Variants in MMEL1 observed in about 807,000 individuals in gnomAD.
The protein encoded by MMEL1 is membrane metalloendopeptidase like 1, also known as membrane metallo-endopeptidase-like 1.
MMEL1 carries 98 observed loss-of-function variants against 117.1 expected under a neutral mutation model. That is an observed-to-expected ratio of 0.84 (90% confidence interval 0.71 to 0.99). The LOEUF is 0.99. Among genes scored for constraint, MMEL1 ranks in the 50% least tolerant of loss-of-function variants. MMEL1 has a pLI of 0.00. For missense variants in MMEL1, 1,014 were observed against 1,049.1 expected (o/e 0.97, Z 0.46); for synonymous variants, 390 against 415.1 (o/e 0.94, Z 0.74).
Position 2,598,305 on chromosome 1 carries a change from G to A in MMEL1, c.1179-5C>T, listed in dbSNP as rs2100933280. 1 of 1,613,882 alleles carries A rather than the reference G, an allele frequency of 6.2e-7. No homozygotes were observed. Among genetic ancestry groups the A allele is most frequent in the Non-Finnish European group, 8.5e-7 (1 of 1,179,888 alleles). ...ACCAGGTAGTTCTGTATGGTCCTGG[G>A]GGCAGAAGGTAGAGGGTGAGGGGAG... On this transcript the variant is annotated splice_polypyrimidine_tract_variant and splice_region_variant and intron_variant, in intron 12 of 23. Coordinates refer to ENST00000378412, the MANE Select transcript of MMEL1 (RefSeq NM_033467.4).
At chr1:2,616,417 C>T (rs1002043079) in intron 2 of MMEL1, among the ~76,000 whole-genome samples, 3 of 150,530 alleles carry the variant, frequency 2.0e-5, no homozygotes, top group African/African-American at 7.3e-5. Context: ...TGACGGTGAC[C>T]TCTCACCAGA....
rs1181547966 is a variant in MMEL1 at position 2,629,494 on chromosome 1, T to G, written c.-10A>C. 1.3e-5 allele frequency: 19 copies of G among 1,488,634 alleles called. No homozygotes were observed. The highest frequency in any genetic ancestry group is 1.6e-5 in the Non-Finnish European group (18 of 1,117,854). 92.2% of individuals were successfully genotyped at this position (1,488,634 alleles called of 1,614,324 possible). A position where few individuals can be genotyped will look rare whatever the true frequency, so the allele number is the denominator to read the frequency against. ...CTTCGGACTTCCCCATCAGCAGGGCTCTGGACGGGAGAGCACCGCGGAGGA... is the reference window on the plus strand; with the variant it reads ...CTTCGGACTTCCCCATCAGCAGGGCGCTGGACGGGAGAGCACCGCGGAGGA... On this transcript the variant is annotated 5_prime_UTR_variant, in exon 2 of 24. Coordinates refer to ENST00000378412, the MANE Select transcript of MMEL1 (RefSeq NM_033467.4).
chr1:2,603,835 A>G (rs1644973264), intron 11 of MMEL1, 49 bp downstream of exon 11: 1 of 1,560,364 alleles, frequency 6.4e-7, no homozygotes, highest in East Asian at 2.2e-5. Context: ...CATGTCCCCC[A>G]CGAGTCTCCA....
chr1:2,598,881 A>G (rs1644888711), intron 11 of MMEL1, 91 bp from the exon 12 acceptor site: 1 of 1,117,498 alleles, frequency 8.9e-7, no homozygotes, highest in Admixed American at 2.5e-5. Context: ...CTGTTGAAGA[A>G]TGTTCAAGGA....
chr1:2,615,358 T>C (rs889207944), intron 2 of MMEL1, among the ~76,000 whole-genome samples: 60 of 152,220 alleles, frequency 3.9e-4, no homozygotes, highest in African/African-American at 1.4e-3. Flanking sequence ...CTTCAACACA[T>C]GTTACCCCAG....
chr1:2,613,673 A>C (rs1354301567), intron 2 of MMEL1, among the ~76,000 whole-genome samples: 1 of 152,038 alleles, frequency 6.6e-6, no homozygotes, highest in Non-Finnish European at 1.5e-5. Flanking sequence ...GAGTCAAAGC[A>C]TGAGGAGGGG....
rs1175464478 is a variant in MMEL1, at chr1:2,606,213, C to T, written c.750+35G>A. The T allele has an allele frequency of 3.2e-6, 5 of 1,557,094 alleles. No homozygotes were observed. The Admixed American group carries it at 6.7e-5, about 21-fold the overall frequency. ...AAGAGCCCCCAGCCAGGCTTGGGGA[C>T]CCTGCCTACCCCTGCCCACCGGCGC... is the stretch of plus-strand genomic sequence containing the variant. On this transcript the variant is annotated intron_variant, in intron 8 of 23. Coordinates refer to ENST00000378412, the MANE Select transcript of MMEL1 (RefSeq NM_033467.4).
At chr1:2,603,581 A>T (rs938680916) in intron 11 of MMEL1, among the ~76,000 whole-genome samples, 3 of 152,134 alleles carry the variant, frequency 2.0e-5, no homozygotes, top group African/African-American at 2.4e-5. Flanking sequence ...ACCCCCACAC[A>T]TCAGCAGCCC....
At chr1:2,623,347 C>T (rs189955251) in intron 2 of MMEL1, among the ~76,000 whole-genome samples, 2 of 151,908 alleles carry the variant, frequency 1.3e-5, no homozygotes, top group African/African-American at 2.4e-5. Context: ...TGCTTTTTGC[C>T]GAGGACATCA....
chr1:2,591,177 A>G, intron 23 of MMEL1, 88 bp from the exon 24 acceptor site: 2 of 884,782 alleles, frequency 2.3e-6, no homozygotes, highest in South Asian at 1.8e-5. Flanking sequence ...AAACCAGCCC[A>G]AAACATCAGC....
chr1:2,609,694 C>G lies in MMEL1; in HGVS notation c.430G>C (p.Asp144His). 6.2e-7 allele frequency: 1 copy of G among 1,612,240 alleles called. No individual in the cohort carries two copies. The highest frequency in any genetic ancestry group is 8.5e-7 in the Non-Finnish European group (1 of 1,179,232). Residue 144 changes from aspartate (D) to histidine (H), a missense_variant, in exon 5 of 24, where the codon GAC becomes CAC. By Grantham distance (81) the Asp-to-His change is moderately conservative. Coordinates refer to ENST00000378412, the MANE Select transcript of MMEL1 (RefSeq NM_033467.4). ...SRYSIFDVLR[D>H]ELEVILKAVL... ...CCTTTGAGGATGACCTCCAGCTCGT[C>G]GCGGAGGACGTCAAAGATGCTGTAT...
intron 11 of MMEL1, among the ~76,000 whole-genome samples, chr1:2,600,983 T>C (rs1644922811): frequency 6.7e-6 from 1 of 149,574 alleles, no homozygotes; most frequent in Non-Finnish European, 1.5e-5. Context: ...TATATCATGT[T>C]CATGGATTGG....
Position 2,590,802 on chromosome 1 carries a change from C to T in MMEL1, c.*188G>A. 1 of 448,236 alleles carries T rather than the reference C, an allele frequency of 2.2e-6. No individual in the cohort carries two copies. The highest frequency in any genetic ancestry group is 3.9e-6 in the Non-Finnish European group (1 of 256,262). The allele number at this position is 448,236 out of a possible 1,614,324, so 27.8% of individuals were successfully genotyped here. A position where few individuals can be genotyped will look rare whatever the true frequency, so the allele number is the denominator to read the frequency against. On this transcript the variant is annotated 3_prime_UTR_variant, in exon 24 of 24. Coordinates refer to ENST00000378412, the MANE Select transcript of MMEL1 (RefSeq NM_033467.4). ...AGGGGGCTCCGGTCCAGGTACTGCA[C>T]TGGACACTGCTCATCCCTGGGTGTC... is the stretch of plus-strand genomic sequence containing the variant.
rs563244000 is a variant in MMEL1 at position 2,616,645 on chromosome 1, G to A, written c.155-4441C>T. 2.6e-5 allele frequency among the ~76,000 whole-genome samples: 4 copies of A among 152,332 alleles called. No homozygotes were observed. In the South Asian group the frequency reaches 8.3e-4, roughly 32 times the overall value. On this transcript the variant is annotated intron_variant, in intron 2 of 23. Transcript: ENST00000378412. ...TTCACTCAGAAGGGACACGAAACCA[G>A]TGGGAAGACCAGATTGGTGGGCAGG...
At chr1:2,591,662 G>T (rs1251457533) in intron 22 of MMEL1, 29 bp from the exon 23 acceptor site, 3 of 1,593,322 alleles carry the variant, frequency 1.9e-6, no homozygotes, top group Admixed American at 3.3e-5. Context: ...CGTGGCTACA[G>T]GTGGCGTGGT....
rs1225577106 is a variant in MMEL1, at chr1:2,605,560, T to G, written c.814A>C (p.Lys272Gln). The G allele has an allele frequency of 1.1e-5, 17 of 1,611,896 alleles. No individual in the cohort carries two copies. Among genetic ancestry groups the G allele is most frequent in the Middle Eastern group, 1.7e-4 (1 of 6,052 alleles). ...EYYFNGGSNRKVREAYLQFMV... is the reference protein window; with the variant it reads ...EYYFNGGSNRQVREAYLQFMV... Reference sequence around the variant, plus strand: ...CATTGCGGTGAGGACCCACCCACCTTCCGGTTGCTGCCGCCGTTGAAGTAG... The same window carrying G: ...CATTGCGGTGAGGACCCACCCACCTGCCGGTTGCTGCCGCCGTTGAAGTAG... Residue 272 changes from lysine to glutamine, a missense_variant and splice_region_variant, in exon 9 of 24, where the codon AAG becomes CAG. Lys to Gln is a moderately conservative substitution (Grantham distance 53). Transcript: ENST00000378412.
At chr1:2,591,346 C>T (rs1040181869) in intron 23 of MMEL1, 65 of 600,846 alleles carry the variant, frequency 1.1e-4, no homozygotes, top group Admixed American at 5.3e-4. Context: ...TCGCAGCCTG[C>T]GGTAGGCTCC....
At chr1:2,615,199 C>T (rs992413489) in intron 2 of MMEL1, among the ~76,000 whole-genome samples, 1 of 152,154 alleles carries the variant, frequency 6.6e-6, no homozygotes, top group Non-Finnish European at 1.5e-5. Flanking sequence ...CAGTGGCTTC[C>T]TTTCAAAGAC....
rs1226789469 is a variant in MMEL1, at chr1:2,609,365, G to A, written c.509C>T (p.Thr170Met). Residue 170 changes from threonine (T) to methionine (M), a missense_variant, in exon 6 of 24, where the codon ACG (threonine) becomes ATG (methionine). Physicochemically the swap from Thr to Met is moderately conservative, Grantham distance 81 (BLOSUM62 -1). Transcript: ENST00000378412. ...CTGGTTCATGCAGGAGCGGTACAGC[G>A]TCCTGGCCTTCTCCACAGCCGGCCG... ...KDRPAVEKAR[T>M]LYRSCMNQSV... 6.8e-6 allele frequency: 11 copies of A among 1,611,976 alleles called. 1 individual carries two copies. The highest frequency in any genetic ancestry group is 3.3e-4 in the Middle Eastern group (2 of 6,082).
Sources: allele counts gnomAD v4.1 joint callset (sites outside exome capture counted in the v4.1 genomes callset), GRCh38; gene constraint gnomAD v4.1.1; transcripts MANE v1.5; gene names NCBI Gene and HGNC (gene_info 2026-07-23, HGNC 2026-07-21).